The following KCNH7 variants were observed in gnomAD, a reference collection of about 807,000 sequenced individuals.
KCNH7 encodes the protein voltage-gated inwardly rectifying potassium channel KCNH7.
Under a neutral mutation model 120.8 loss-of-function variants are expected in KCNH7, and 49 were observed. The ratio of observed to expected loss-of-function variants is 0.41; its 90% CI spans 0.32 to 0.51. KCNH7 has a LOEUF of 0.51. KCNH7 is among the 20% of genes least tolerant of loss of function. The pLI is 0.38. For synonymous variants in KCNH7, 547 were observed against 516.1 expected (o/e 1.06, Z -0.81); for missense variants, 1,097 against 1,446.6 (o/e 0.76, Z 3.92).
At chr2:162,600,422 G>A (rs1231242727) in intron 2 of KCNH7, among the ~76,000 whole-genome samples, 1 of 152,018 alleles carries the variant, frequency 6.6e-6, no homozygotes, top group African/African-American at 2.4e-5. Flanking sequence ...GATAATTTGG[G>A]GGTGGACAAT....
intron 2 of KCNH7, among the ~76,000 whole-genome samples, chr2:162,691,988 A>G (rs1248109816): frequency 1.2e-4 from 18 of 152,140 alleles, no homozygotes; most frequent in Non-Finnish European, 2.1e-4. Context: ...TGTGATTTCT[A>G]CTGCTGCTGA....
chr2:162,542,855 A>T (rs1316729456), intron 2 of KCNH7, among the ~76,000 whole-genome samples: 3 of 152,114 alleles, frequency 2.0e-5, no homozygotes, highest in Non-Finnish European at 4.4e-5. Context: ...GAACTAGTTC[A>T]CAGTCCCACT....
intron 2 of KCNH7, among the ~76,000 whole-genome samples, chr2:162,791,198 C>T (rs755993066): frequency 1.8e-4 from 27 of 152,034 alleles, no homozygotes; most frequent in Admixed American, 3.3e-4. Context: ...GAAATTAAGT[C>T]AGGTAGCATG....
At chr2:162,522,549 T>C (rs1352064115) in intron 3 of KCNH7, among the ~76,000 whole-genome samples, 1 of 151,912 alleles carries the variant, frequency 6.6e-6, no homozygotes, top group Non-Finnish European at 1.5e-5. Flanking sequence ...ATATAAAACA[T>C]AGATGAGTGT....
Position 162,380,010 on chromosome 2 carries a change from T to C in KCNH7, c.2974A>G (p.Met992Val), listed in dbSNP as rs751109979. Reference sequence around the variant, plus strand: ...GCATTTTCTCGTTCCCAGCTTCGCATGTCAGTGATATCTGTGGAAAATAGC... The same window carrying C: ...GCATTTTCTCGTTCCCAGCTTCGCACGTCAGTGATATCTGTGGAAAATAGC... ...RSHSCKDITD[M>V]RSWERENAHP... is the part of the protein sequence containing the mutation. Residue 992 changes from methionine (M) to valine (V), a missense_variant, in exon 14 of 16, where the codon ATG (methionine) becomes GTG (valine). By Grantham distance (21) the Met-to-Val change is conservative (BLOSUM62 1). Around this residue, in one of 8 missense-constraint regions of KCNH7, gnomAD observed 406 missense variants for 410.5 expected, o/e 0.99. Transcript: ENST00000332142. 5 of 1,613,876 alleles carry C rather than the reference T, an allele frequency of 3.1e-6. No homozygotes were observed. The African/African-American group carries it at 4.0e-5, about 13-fold the overall frequency.
intron 2 of KCNH7, among the ~76,000 whole-genome samples, chr2:162,686,251 CAT>C: frequency 6.6e-6 from 1 of 152,140 alleles, no homozygotes; most frequent in East Asian, 1.9e-4. Flanking sequence ...AATTAAAAAA[CAT>C]GTTTGCTTTC....
intron 6 of KCNH7, among the ~76,000 whole-genome samples, chr2:162,504,174 C>T (rs377617868): frequency 1.6e-4 from 25 of 152,080 alleles, no homozygotes; most frequent in African/African-American, 4.3e-4. Flanking sequence ...CCAAACACGA[C>T]GAATAGCAGG....
chr2:162,591,545 A>G (rs1215608730), intron 2 of KCNH7, among the ~76,000 whole-genome samples: 1 of 152,094 alleles, frequency 6.6e-6, no homozygotes, highest in Non-Finnish European at 1.5e-5. Flanking sequence ...ATAAATAGCA[A>G]GTACCTTCAT....
intron 2 of KCNH7, among the ~76,000 whole-genome samples, chr2:162,694,359 A>C (rs890296903): frequency 6.6e-6 from 1 of 152,104 alleles, no homozygotes; most frequent in African/African-American, 2.4e-5. Flanking sequence ...CCTCTACCCT[A>C]ACAGCTCAGC....
chr2:162,680,625 T>C (rs925082977), intron 2 of KCNH7, among the ~76,000 whole-genome samples: 2 of 151,716 alleles, frequency 1.3e-5, no homozygotes, highest in Non-Finnish European at 3.0e-5. Flanking sequence ...TTATAATCTA[T>C]TGGGAAGCTG....
intron 6 of KCNH7, among the ~76,000 whole-genome samples, chr2:162,502,791 T>C (rs1480661636): frequency 1.3e-5 from 2 of 152,062 alleles, no homozygotes; most frequent in Non-Finnish European, 2.9e-5. Flanking sequence ...CATGTTCTCC[T>C]GGCACAGTGG....
chr2:162,515,413 C>T (rs1691248149), intron 4 of KCNH7, among the ~76,000 whole-genome samples: 1 of 151,716 alleles, frequency 6.6e-6, no homozygotes, highest in African/African-American at 2.4e-5. Flanking sequence ...CTACTCAGCA[C>T]CACTGTCCAA....
intron 1 of KCNH7, among the ~76,000 whole-genome samples, chr2:162,837,555 A>C (rs1292197596): frequency 6.6e-6 from 1 of 152,244 alleles, no homozygotes; most frequent in Non-Finnish European, 1.5e-5. Context: ...GTTTGTACGC[A>C]AGGTACCAGA....
chr2:162,825,182 GT>G (rs1559151328), intron 2 of KCNH7, among the ~76,000 whole-genome samples: 1 of 151,992 alleles, frequency 6.6e-6, no homozygotes, highest in African/African-American at 2.4e-5. Context: ...GTGAAGATCA[GT>G]TTTTAAAATA....
intron 2 of KCNH7, among the ~76,000 whole-genome samples, chr2:162,792,797 GTGTGTGTGTGTC>G: frequency 2.7e-5 from 2 of 73,690 alleles, no homozygotes; most frequent in African/African-American, 8.0e-5. Context: ...GTGTGTGTGT[GTGTGTGTGTGTC>G]TCAATCTCCT....
chr2:162,528,426 TG>T (rs1234575712), intron 3 of KCNH7: 1 of 151,982 alleles, frequency 6.6e-6, no homozygotes, highest in Non-Finnish European at 1.5e-5. Flanking sequence ...AGGACCCATG[TG>T]GGTGAGTTAA....
intron 6 of KCNH7, chr2:162,497,196 A>T (rs1690523838): frequency 6.6e-6 from 1 of 152,172 alleles, no homozygotes; most frequent in Admixed American, 6.6e-5. Context: ...ATAAGCATAA[A>T]TTGAGAAACA....
intron 4 of KCNH7, among the ~76,000 whole-genome samples, chr2:162,513,905 A>C (rs1014652291): frequency 6.6e-6 from 1 of 151,780 alleles, no homozygotes; most frequent in African/African-American, 2.4e-5. Flanking sequence ...GGGCTCTTTT[A>C]AAATCTAAGT....
chr2:162,699,985 A>G (rs1261417041), intron 2 of KCNH7, among the ~76,000 whole-genome samples: 2 of 151,840 alleles, frequency 1.3e-5, no homozygotes, highest in Non-Finnish European at 2.9e-5. Context: ...TTTTTTTTTC[A>G]TTAAAAACAG....
Sources: allele counts gnomAD v4.1 joint callset (sites outside exome capture counted in the v4.1 genomes callset), GRCh38; gene constraint gnomAD v4.1.1; regional missense constraint gnomAD v4.1.1; transcripts MANE v1.5; gene names NCBI Gene and HGNC (gene_info 2026-07-23, HGNC 2026-07-21).